The following TENM2 variants were observed in gnomAD, a reference collection of about 807,000 sequenced individuals.
TENM2 encodes the protein teneurin transmembrane protein 2, also known as teneurin-2.
Under a neutral mutation model 245.2 loss-of-function variants are expected in TENM2, and 52 were observed. That is an observed-to-expected ratio of 0.21 (90% confidence interval 0.17 to 0.27). The LOEUF is 0.27. TENM2 is among the 10% of genes least tolerant of loss of function. TENM2 has a pLI of 1.00. For synonymous variants in TENM2, 1,363 were observed against 1,438.9 expected, an observed-to-expected ratio of 0.95 and a Z score of 1.19; for missense variants, 3,046 against 3,666.8, an observed-to-expected ratio of 0.83 and a Z score of 4.37.
intron 2 of TENM2, among the ~76,000 whole-genome samples, chr5:167,795,919 G>A (rs2150920956): frequency 6.6e-6 from 1 of 152,298 alleles, no homozygotes; most frequent in South Asian, 2.1e-4. Flanking sequence ...TCAAATGGTG[G>A]AGATACCTCT....
chr5:167,189,043 G>A, the TENM2 span, among the ~76,000 whole-genome samples: 1 of 151,974 alleles, frequency 6.6e-6, no homozygotes, highest in Admixed American at 6.6e-5. Context: ...TTTCATGTAT[G>A]CAGTAATTCA....
intron 2 of TENM2, among the ~76,000 whole-genome samples, chr5:167,616,493 C>A (rs1268856842): frequency 6.6e-6 from 1 of 152,016 alleles, no homozygotes; most frequent in Non-Finnish European, 1.5e-5. Flanking sequence ...TCCTGAAAAC[C>A]CTCTTTTGGT....
chr5:168,247,901 A>T lies in TENM2; in HGVS notation c.6962A>T (p.Tyr2321Phe), dbSNP rs766520823. 3.1e-6 allele frequency: 5 copies of T among 1,613,928 alleles called. No homozygotes were observed. The highest frequency in any genetic ancestry group is 4.2e-6 in the Non-Finnish European group (5 of 1,179,874). The change falls in exon 27 of 29, where the codon TAC (tyrosine) becomes TTC (phenylalanine). Residue 2321 changes from tyrosine to phenylalanine, a missense_variant. Tyr to Phe is a conservative substitution (Grantham distance 22, BLOSUM62 3). Around this residue, in one of 2 missense-constraint regions of TENM2, gnomAD observed 2,704 missense variants for 3,331.9 expected, o/e 0.81. Coordinates refer to ENST00000518659, the Ensembl canonical transcript of TENM2. This position sits in a 1 kb window ranked among gnomAD's most constrained non-coding sequence, Gnocchi z 7.8. The stretch of plus-strand genomic sequence containing the variant: ...ACCAACCTGGGCCACCACCTGCAGT[A>T]CTTCTACTCTGACCTCCACAACCCG...
At chr5:168,000,313 T>C (rs925957119) in intron 5 of TENM2, among the ~76,000 whole-genome samples, 1 of 152,248 alleles carries the variant, frequency 6.6e-6, no homozygotes, top group Non-Finnish European at 1.5e-5. Flanking sequence ...TTTCATTCTA[T>C]GTTTTATCTG....
the TENM2 span, among the ~76,000 whole-genome samples, chr5:167,031,536 C>CCTCA: frequency 4.2e-3 from 640 of 152,220 alleles, 7 homozygotes; most frequent in African/African-American, 0.014. Flanking sequence ...GAGGTTTCTT[C>CCTCA]CTCACATATT....
Position 167,635,633 on chromosome 5 carries a change from C to CTTTTTTTTTTTTTTTTTTTTTTTTT in TENM2, c.503-240348_503-240324dup, listed in dbSNP as rs76155764. On this transcript the variant is annotated intron_variant, in intron 2 of 28. Coordinates refer to ENST00000518659, the Ensembl canonical transcript of TENM2. ...GGAATCTGGCTATGATCAGTACAGTCTTTTTTTTTTTTTTTTTTTTTTTTT... is the reference window on the plus strand; with the variant it reads ...GGAATCTGGCTATGATCAGTACAGTCTTTTTTTTTTTTTTTTTTTTTTTTTTTTTTTTTTTTTTTTTTTTTTTTTT... Among the ~76,000 whole-genome samples, 46 of 74,938 alleles carry CTTTTTTTTTTTTTTTTTTTTTTTTT rather than the reference C, an allele frequency of 6.1e-4. 7 individuals are homozygous for CTTTTTTTTTTTTTTTTTTTTTTTTT. The highest frequency in any genetic ancestry group is 2.3e-3 in the East Asian group (4 of 1,710). 49.2% of individuals were successfully genotyped at this position (74,938 alleles called of 152,430 possible). A position where few individuals can be genotyped will look rare whatever the true frequency, so the allele number is the denominator to read the frequency against.
chr5:167,832,487 A>G (rs896913081), intron 2 of TENM2, among the ~76,000 whole-genome samples: 2 of 152,248 alleles, frequency 1.3e-5, no homozygotes. Context: ...GCAATACATT[A>G]TGTAAAAAAC....
At chr5:167,159,380 G>C in the TENM2 span, among the ~76,000 whole-genome samples, 2 of 152,104 alleles carry the variant, frequency 1.3e-5, no homozygotes, top group African/African-American at 2.4e-5. Context: ...AGTTAGACAG[G>C]AGGAATAAGT....
chr5:167,045,008 G>A, the TENM2 span, among the ~76,000 whole-genome samples: 94,835 of 151,342 alleles, frequency 0.63, 31,730 homozygotes, highest in African/African-American at 0.88. Context: ...AAGCTGATGG[G>A]GAAGAGAACA....
chr5:167,825,655 G>C (rs1767910601), intron 2 of TENM2, among the ~76,000 whole-genome samples: 2 of 152,134 alleles, frequency 1.3e-5, no homozygotes, highest in African/African-American at 2.4e-5. Context: ...GGGCTCTGCA[G>C]TCCCAAATTG....
the TENM2 span, among the ~76,000 whole-genome samples, chr5:167,152,652 G>A: frequency 8.5e-5 from 13 of 152,144 alleles, no homozygotes; most frequent in African/African-American, 2.9e-4. Flanking sequence ...TTGAAACCTC[G>A]GATAGTGCTG....
At chr5:167,296,926 T>C (rs1228390694) in intron 1 of TENM2, among the ~76,000 whole-genome samples, 1 of 152,210 alleles carries the variant, frequency 6.6e-6, no homozygotes, top group Admixed American at 6.5e-5. Context: ...CATTTTTGTT[T>C]CTAGACCAGT....
intron 2 of TENM2, among the ~76,000 whole-genome samples, chr5:167,474,495 A>G (rs1000343425): frequency 7.3e-5 from 11 of 150,082 alleles, no homozygotes; most frequent in African/African-American, 2.7e-4. Flanking sequence ...GTTTTATACT[A>G]GACTGTTTTT....
chr5:167,460,218 A>G (rs952257176), intron 2 of TENM2, among the ~76,000 whole-genome samples: 4 of 152,146 alleles, frequency 2.6e-5, no homozygotes, highest in African/African-American at 9.7e-5. Flanking sequence ...AGCCCATCCA[A>G]TCTCTAAAGC....
chr5:167,566,146 G>C (rs753557368), intron 2 of TENM2, among the ~76,000 whole-genome samples: 1 of 151,712 alleles, frequency 6.6e-6, no homozygotes, highest in South Asian at 2.1e-4. Context: ...ATTCACTGGC[G>C]ATTGTTTTGG....
In TENM2 at chr5:167,576,076, T is replaced by A. The variant is rs376647188; in HGVS notation, c.502+200603T>A. Among the ~76,000 whole-genome samples, 50 of 152,336 alleles carry A rather than the reference T, an allele frequency of 3.3e-4. No individual in the cohort carries two copies. The East Asian group carries it at 7.7e-3, about 23-fold the overall frequency. On this transcript the variant is annotated intron_variant, in intron 2 of 28. Transcript: ENST00000518659. ...TTTGCTTTTATTTATGAAAATGACTTCTTCCAGGTGAGGCAATGATAAATT... is the reference window on the plus strand; with the variant it reads ...TTTGCTTTTATTTATGAAAATGACTACTTCCAGGTGAGGCAATGATAAATT...
intron 3 of TENM2, among the ~76,000 whole-genome samples, chr5:167,914,746 C>T (rs1776801622): frequency 6.6e-6 from 1 of 152,142 alleles, no homozygotes; most frequent in African/African-American, 2.4e-5. Flanking sequence ...CTCTCCCTAG[C>T]TTCTGGTGTT....
intron 2 of TENM2, among the ~76,000 whole-genome samples, chr5:167,618,924 A>T (rs1206035329): frequency 6.6e-6 from 1 of 152,180 alleles, no homozygotes; most frequent in Non-Finnish European, 1.5e-5. Flanking sequence ...CAGTTCAGGT[A>T]AATGAGTGAA....
chr5:167,911,615 G>A (rs1280345890), intron 3 of TENM2, among the ~76,000 whole-genome samples: 1 of 152,206 alleles, frequency 6.6e-6, no homozygotes, highest in Admixed American at 6.5e-5. Context: ...GTTACACATT[G>A]GAACTACAAC....
Sources: gnomAD v4.1 joint callset for allele counts (sites outside exome capture counted in the v4.1 genomes callset) on GRCh38, gnomAD v4.1.1 for gene constraint, gnomAD v4.1.1 regional missense constraint, Gnocchi (gnomAD v3.1) non-coding constraint, MANE v1.5 for transcripts, NCBI Gene and HGNC (gene_info 2026-07-23, HGNC 2026-07-21) for gene names.